Variants in PTBP3 observed in about 807,000 individuals in gnomAD.
The protein encoded by PTBP3 is polypyrimidine tract-binding protein 3.
PTBP3 carries 20 observed loss-of-function variants against 58.7 expected under a neutral mutation model. That is an observed-to-expected ratio of 0.34 (90% CI 0.24 to 0.50). PTBP3 has a LOEUF of 0.50. Ranked by LOEUF, PTBP3 falls within the 20% of genes least tolerant of loss-of-function variation. PTBP3 has a pLI of 0.98. For missense variants in PTBP3, 509 were observed against 637.2 expected, an observed-to-expected ratio of 0.80 and a Z score of 2.17; for synonymous variants, 185 against 219.8, an observed-to-expected ratio of 0.84 and a Z score of 1.40.
the PTBP3 span, among the ~76,000 whole-genome samples, chr9:112,340,282 A>T: frequency 6.6e-6 from 1 of 152,198 alleles, no homozygotes; most frequent in South Asian, 2.1e-4. Flanking sequence ...ATTAATACTA[A>T]ATTTGTATTT....
intron 1 of PTBP3, among the ~76,000 whole-genome samples, chr9:112,327,696 G>A (rs539377928): frequency 2.6e-5 from 4 of 151,918 alleles, no homozygotes; most frequent in Non-Finnish European, 4.4e-5. Context: ...GGTATAACAT[G>A]AGACAGCCCT....
chr9:112,268,594 G>C (rs1274859526), intron 3 of PTBP3, among the ~76,000 whole-genome samples: 1 of 151,442 alleles, frequency 6.6e-6, no homozygotes, highest in Non-Finnish European at 1.5e-5. Context: ...TACTTGGGGT[G>C]GGGGGGTGAG....
chr9:112,252,248 GAAGTA>G (rs1358843998), intron 6 of PTBP3: 2 of 158,496 alleles, frequency 1.3e-5, no homozygotes, highest in African/African-American at 4.8e-5. Context: ...TGATTTAACA[GAAGTA>G]AATGGTCTAC....
At chr9:112,365,455 C>T in the PTBP3 span, among the ~76,000 whole-genome samples, 1 of 152,186 alleles carries the variant, frequency 6.6e-6, no homozygotes, top group Non-Finnish European at 1.5e-5. Context: ...TGTCTGCTGC[C>T]ATCCATGTAA....
the PTBP3 span, among the ~76,000 whole-genome samples, chr9:112,353,814 CA>C: frequency 1.3e-5 from 2 of 151,860 alleles, no homozygotes; most frequent in Admixed American, 1.3e-4. Flanking sequence ...AAAAATTAGC[CA>C]GGCGTGGTGG....
At chr9:112,235,254 G>C (rs1003684909) in intron 7 of PTBP3, among the ~76,000 whole-genome samples, 1 of 152,078 alleles carries the variant, frequency 6.6e-6, no homozygotes, top group Admixed American at 6.6e-5. Flanking sequence ...AAAAAAATGA[G>C]TTAAAATCCT....
intron 1 of PTBP3, chr9:112,332,966 C>T: frequency 7.0e-7 from 1 of 1,424,148 alleles, no homozygotes; most frequent in Non-Finnish European, 9.2e-7. Flanking sequence ...GGCTTGCGAC[C>T]AGGTCGCCGC....
chr9:112,256,298 T>TATATAA (rs1836357506), intron 5 of PTBP3, among the ~76,000 whole-genome samples: 2 of 71,112 alleles, frequency 2.8e-5, no homozygotes, highest in African/African-American at 2.1e-4. Context: ...TATATACATA[T>TATATAA]ATATATATAT....
the PTBP3 span, among the ~76,000 whole-genome samples, chr9:112,371,108 TTC>T: frequency 6.6e-6 from 1 of 152,192 alleles, no homozygotes; most frequent in African/African-American, 2.4e-5. Flanking sequence ...GGTGCTTTTT[TTC>T]TTTTTCTTAT....
chr9:112,295,211 C>T (rs1490377823), intron 2 of PTBP3, among the ~76,000 whole-genome samples: 1 of 150,840 alleles, frequency 6.6e-6, no homozygotes. Context: ...TGCACTCCAG[C>T]CTGGGCGAGA....
chr9:112,376,609 G>C, the PTBP3 span, among the ~76,000 whole-genome samples: 1 of 152,232 alleles, frequency 6.6e-6, no homozygotes, highest in Non-Finnish European at 1.5e-5. Flanking sequence ...TGCAAGCTGA[G>C]GTGCAAGGAG....
chr9:112,367,141 T>C, the PTBP3 span, among the ~76,000 whole-genome samples: 8 of 152,222 alleles, frequency 5.3e-5, 1 homozygote, highest in Admixed American at 5.2e-4. Context: ...TTCCCACATT[T>C]TATGTTATTG....
chr9:112,255,121 T>C (rs529347068), intron 5 of PTBP3, among the ~76,000 whole-genome samples: 1 of 152,280 alleles, frequency 6.6e-6, no homozygotes, highest in South Asian at 2.1e-4. Flanking sequence ...GCACACATAC[T>C]GCATAGTTCC....
rs1184161231 is a variant in PTBP3, at chr9:112,223,691, A to C, written c.*160T>G. The stretch of plus-strand genomic sequence containing the variant: ...TTTGACTGGCGGGGGCAGGGGGAAT[A>C]CAAAAAAAAAAAATCCCTTGATTTT... On this transcript the variant is annotated 3_prime_UTR_variant, in exon 14 of 14. Coordinates refer to ENST00000374257, the MANE Select transcript of PTBP3 (RefSeq NM_001163788.4). 5 of 1,348,270 alleles carry C rather than the reference A, an allele frequency of 3.7e-6. No individual in the cohort carries two copies. The highest frequency in any genetic ancestry group is 1.8e-5 in the South Asian group (1 of 54,510). The allele number at this position is 1,348,270 out of a possible 1,614,324, so 83.5% of individuals were successfully genotyped here. A position where few individuals can be genotyped will look rare whatever the true frequency, so the allele number is the denominator to read the frequency against.
intron 1 of PTBP3, among the ~76,000 whole-genome samples, chr9:112,328,836 T>G (rs1049028243): frequency 6.6e-6 from 1 of 151,922 alleles, no homozygotes; most frequent in Non-Finnish European, 1.5e-5. Flanking sequence ...CAAATGCAAA[T>G]AAAGTAGGAG....
chr9:112,341,168 G>C, the PTBP3 span, among the ~76,000 whole-genome samples: 1 of 152,080 alleles, frequency 6.6e-6, no homozygotes, highest in Non-Finnish European at 1.5e-5. Context: ...TCTGTCTCAA[G>C]TCGCCCAGAC....
intron 1 of PTBP3, among the ~76,000 whole-genome samples, chr9:112,330,919 A>T (rs1830343012): frequency 6.6e-6 from 1 of 152,178 alleles, no homozygotes; most frequent in Non-Finnish European, 1.5e-5. Context: ...TGCATTTACC[A>T]CCCAAAATTG....
At chr9:112,345,341 TAAAAAAAAAAAAAAAAAA>T in the PTBP3 span, among the ~76,000 whole-genome samples, 2 of 63,692 alleles carry the variant, frequency 3.1e-5, no homozygotes, top group Non-Finnish European at 2.9e-5. Context: ...CCCTCATCTC[TAAAAAAAAAAAAAAAAAA>T]AAAAAAAAAA....
chr9:112,343,651 T>C, the PTBP3 span, among the ~76,000 whole-genome samples: 1 of 151,038 alleles, frequency 6.6e-6, no homozygotes, highest in Non-Finnish European at 1.5e-5. Flanking sequence ...ATTAGCTGGG[T>C]GTGGTGGTGG....
Sources: allele counts gnomAD v4.1 joint callset (sites outside exome capture counted in the v4.1 genomes callset), GRCh38; gene constraint gnomAD v4.1.1; transcripts MANE v1.5; gene names NCBI Gene and HGNC (gene_info 2026-07-23, HGNC 2026-07-21).